The following LRBA variants were observed in gnomAD, a reference collection of about 807,000 sequenced individuals.
LRBA encodes lipopolysaccharide-responsive and beige-like anchor protein.
In LRBA, 176 loss-of-function variants were observed where a neutral mutation model predicts 330.0. The ratio of observed to expected loss-of-function variants is 0.53; its 90% CI spans 0.47 to 0.60. The LOEUF (loss-of-function observed/expected upper bound fraction) is 0.60. Ranked by LOEUF, LRBA falls within the 20% of genes least tolerant of loss-of-function variation. The probability of loss-of-function intolerance (pLI) is 0.00; values close to 1 mark genes in which losing one functional copy is unlikely to be tolerated. For synonymous variants in LRBA, 1,230 were observed against 1,193.0 expected (o/e 1.03, Z -0.64); for missense variants, 3,259 against 3,444.8 (o/e 0.95, Z 1.35).
intron 38 of LRBA, chr4:150,597,036 T>A: frequency 1.1e-6 from 1 of 951,358 alleles, no homozygotes; most frequent in Non-Finnish European, 1.6e-6. Context: ...CATTTTGGAG[T>A]ATGACAATAA....
intron 34 of LRBA, among the ~76,000 whole-genome samples, chr4:150,789,795 A>G (rs1739639264): frequency 6.6e-6 from 1 of 152,178 alleles, no homozygotes; most frequent in Non-Finnish European, 1.5e-5. Flanking sequence ...AGGAAAAAAA[A>G]GTACTAAGTA....
At chr4:150,313,057 T>C (rs935635087) in intron 51 of LRBA, among the ~76,000 whole-genome samples, 3 of 152,078 alleles carry the variant, frequency 2.0e-5, no homozygotes, top group African/African-American at 7.2e-5. Context: ...CTTATGGTCA[T>C]AGGAAATTTT....
chr4:150,498,804 T>C (rs1344396193), intron 40 of LRBA, among the ~76,000 whole-genome samples: 1 of 152,180 alleles, frequency 6.6e-6, no homozygotes, highest in Non-Finnish European at 1.5e-5. Flanking sequence ...TTACCTTGTA[T>C]CTGTACAAAA....
intron 37 of LRBA, among the ~76,000 whole-genome samples, chr4:150,626,557 A>G (rs1194630746): frequency 6.6e-6 from 1 of 152,104 alleles, no homozygotes; most frequent in Non-Finnish European, 1.5e-5. Context: ...GTGGTAACAT[A>G]TATCAAGAAA....
chr4:150,906,107 A>G, intron 12 of LRBA, 117 bp from the exon 13 acceptor site: 1 of 900,908 alleles, frequency 1.1e-6, no homozygotes, highest in Non-Finnish European at 1.7e-6. Context: ...TAAAGATGCC[A>G]TGAAGCTCAC....
intron 37 of LRBA, among the ~76,000 whole-genome samples, chr4:150,668,981 C>T (rs959333752): frequency 2.9e-4 from 44 of 152,034 alleles, no homozygotes; most frequent in Admixed American, 1.2e-3. Context: ...GAGACTGCGC[C>T]CTGGTCTTAA....
intron 35 of LRBA, among the ~76,000 whole-genome samples, chr4:150,751,993 A>C (rs1480486185): frequency 6.6e-6 from 1 of 152,104 alleles, no homozygotes; most frequent in Non-Finnish European, 1.5e-5. Flanking sequence ...TTCACTACTA[A>C]ACATGACCAC....
At chr4:150,385,114 T>C (rs1437620854) in intron 47 of LRBA, among the ~76,000 whole-genome samples, 1 of 152,190 alleles carries the variant, frequency 6.6e-6, no homozygotes, top group African/African-American at 2.4e-5. Context: ...TCAAACTGTG[T>C]ATTCGAATCA....
chr4:150,296,666 TAAA>T, intron 53 of LRBA, among the ~76,000 whole-genome samples: 1 of 149,660 alleles, frequency 6.7e-6, no homozygotes, highest in East Asian at 1.9e-4. Flanking sequence ...TGTTGCTTCG[TAAA>T]AAAAAAATCA....
At chr4:150,350,565 C>T (rs1286337341) in intron 47 of LRBA, among the ~76,000 whole-genome samples, 1 of 66,906 alleles carries the variant, frequency 1.5e-5, no homozygotes, top group Admixed American at 1.4e-4. Context: ...GAAACTCCAT[C>T]TCAAAAAAAA....
chr4:151,006,341 A>T (rs1744072237), intron 2 of LRBA, among the ~76,000 whole-genome samples: 1 of 152,120 alleles, frequency 6.6e-6, no homozygotes, highest in Non-Finnish European at 1.5e-5. Flanking sequence ...AATAAAATTA[A>T]ATAAAATAAA....
chr4:150,468,295 G>A (rs889902692), intron 43 of LRBA, among the ~76,000 whole-genome samples: 5 of 151,946 alleles, frequency 3.3e-5, no homozygotes, highest in Admixed American at 6.6e-5. Context: ...TGAGGGCATT[G>A]CACTAAATAA....
chr4:150,892,936 C>A, intron 17 of LRBA, 116 bp downstream of exon 17: 2 of 597,590 alleles, frequency 3.3e-6, no homozygotes, highest in South Asian at 6.6e-5. Context: ...AATCTTAACT[C>A]ATTTCATGCT....
At chr4:150,835,062 A>G (rs1747814874) in intron 28 of LRBA, among the ~76,000 whole-genome samples, 1 of 152,174 alleles carries the variant, frequency 6.6e-6, no homozygotes, top group Non-Finnish European at 1.5e-5. Flanking sequence ...TAAATAGGGA[A>G]TCCTTTCCCC....
At chr4:150,335,987 C>T (rs1006056556) in intron 48 of LRBA, among the ~76,000 whole-genome samples, 10 of 152,210 alleles carry the variant, frequency 6.6e-5, no homozygotes, top group Admixed American at 3.3e-4. Context: ...TAAGCCACCA[C>T]GCCTGGCGAA....
Position 150,852,209 on chromosome 4 carries a change from A to G in LRBA, c.3501T>C (p.Thr1167=), listed in dbSNP as rs751699337. The change falls in exon 23 of 57, where the codon ACT becomes ACC. Residue 1167 remains threonine, a synonymous_variant. Transcript: ENST00000651943. ...QEGKPVTEKQ[T]DTETQDSKDS... ...CTTTAGAATCTTGAGTTTCAGTATC[A>G]GTTTGCTTTTCAGTAACAGGTTTTC... 6.2e-6 allele frequency: 10 copies of G among 1,614,130 alleles called. No homozygotes were observed. In the South Asian group the frequency reaches 6.6e-5, roughly 11 times the overall value.
Position 150,852,452 on chromosome 4 carries a change from TGAA to T in LRBA, c.3255_3257del (p.Ser1086del). ...CTGGCATCTCTGAGGCATCCTCTTC[TGAA>T]GGAGAACTTATAGAAGCAGTTACTT... On this transcript the variant is annotated inframe_deletion, in exon 23 of 57. Transcript: ENST00000651943. The T allele has an allele frequency of 6.2e-7, 1 of 1,613,644 alleles. No individual in the cohort carries two copies. The highest frequency in any genetic ancestry group is 8.5e-7 in the Non-Finnish European group (1 of 1,180,006).
intron 47 of LRBA, among the ~76,000 whole-genome samples, chr4:150,364,985 A>AC (rs1739244842): frequency 6.6e-6 from 1 of 151,970 alleles, no homozygotes; most frequent in African/African-American, 2.4e-5. Context: ...ATATACACAC[A>AC]CAGAGAGAAA....
intron 44 of LRBA, among the ~76,000 whole-genome samples, chr4:150,458,059 A>G (rs1284656481): frequency 6.6e-6 from 1 of 151,902 alleles, no homozygotes; most frequent in African/African-American, 2.4e-5. Flanking sequence ...TTTCTGACTA[A>G]TGTTAAAAAA....
Sources: allele counts gnomAD v4.1 joint callset (sites outside exome capture counted in the v4.1 genomes callset), GRCh38; gene constraint gnomAD v4.1.1; transcripts MANE v1.5; gene names NCBI Gene and HGNC (gene_info 2026-07-23, HGNC 2026-07-21).